Variants in RCAN1 observed in about 807,000 individuals in gnomAD.
RCAN1 encodes the protein calcipressin-1.
Under a neutral mutation model 22.9 loss-of-function variants are expected in RCAN1, and 11 were observed. That is an observed-to-expected ratio of 0.48 (90% CI 0.30 to 0.79). RCAN1 has a LOEUF of 0.79. Ranked by LOEUF, RCAN1 falls within the 30% of genes least tolerant of loss-of-function variation. The pLI is 0.06. For missense variants in RCAN1, 291 were observed against 337.8 expected (o/e 0.86, Z 1.09); for synonymous variants, 136 against 142.3 (o/e 0.96, Z 0.32).
intron 1 of RCAN1, among the ~76,000 whole-genome samples, chr21:34,611,642 A>G (rs1291139024): frequency 6.6e-6 from 1 of 152,324 alleles, no homozygotes; most frequent in East Asian, 1.9e-4. Flanking sequence ...CCAGACCCCC[A>G]GGGACTTTTG....
At chr21:34,561,811 G>A (rs892248504) in intron 1 of RCAN1, among the ~76,000 whole-genome samples, 3 of 152,174 alleles carry the variant, frequency 2.0e-5, no homozygotes, top group Admixed American at 6.6e-5. Flanking sequence ...ATATTGGCCC[G>A]ACGTTCAGGG....
At chr21:34,527,957 C>T (rs766712056) in intron 1 of RCAN1, among the ~76,000 whole-genome samples, 23 of 151,968 alleles carry the variant, frequency 1.5e-4, no homozygotes, top group Admixed American at 1.4e-3. Context: ...AAGTGCTCTG[C>T]GATGCAAGAC....
At chr21:34,540,222 C>T (rs563092889) in intron 1 of RCAN1, among the ~76,000 whole-genome samples, 8 of 152,274 alleles carry the variant, frequency 5.3e-5, no homozygotes, top group African/African-American at 1.9e-4. Flanking sequence ...TGTATTTAAT[C>T]AGCAAATTCT....
chr21:34,566,308 T>C (rs13050712), intron 1 of RCAN1, among the ~76,000 whole-genome samples: 142,036 of 152,270 alleles, frequency 0.93, 66,372 homozygotes, highest in African/African-American at 0.98. Context: ...CTAGGGTCTG[T>C]GGCAGGTTAC....
chr21:34,565,891 C>T (rs1046495855), intron 1 of RCAN1, among the ~76,000 whole-genome samples: 4 of 152,148 alleles, frequency 2.6e-5, no homozygotes, highest in Admixed American at 6.5e-5. Context: ...TCTGCAAGGG[C>T]GGAGCTCACA....
At chr21:34,526,474 T>C (rs1985060370) in intron 1 of RCAN1, among the ~76,000 whole-genome samples, 1 of 152,184 alleles carries the variant, frequency 6.6e-6, no homozygotes, top group Non-Finnish European at 1.5e-5. Context: ...TTGAGATCTT[T>C]AGAAATTCCT....
At position 34,589,464 on chromosome 21, in the gene RCAN1, T is replaced by C. The variant is rs954179519; in HGVS notation, c.252+25296A>G. Among the ~76,000 whole-genome samples, 14 of 152,188 alleles carry C rather than the reference T, an allele frequency of 9.2e-5. 1 individual carries two copies. The highest frequency in any genetic ancestry group is 7.9e-4 in the Admixed American group (12 of 15,286). On this transcript the variant is annotated intron_variant, in intron 1 of 3. Coordinates refer to ENST00000313806, the MANE Select transcript of RCAN1 (RefSeq NM_004414.7). ...ATGCTAATTTTCCTGGAAAAGGACA[T>C]GATCGTTGAAAAAATAAGAGAAGAT...
intron 1 of RCAN1, among the ~76,000 whole-genome samples, chr21:34,566,153 G>C (rs1298467683): frequency 1.3e-5 from 2 of 152,190 alleles, no homozygotes; most frequent in African/African-American, 2.4e-5. Flanking sequence ...CTGCGAGTAG[G>C]TAGAGGCCGG....
chr21:34,613,824 G>T, intron 1 of RCAN1: 1 of 1,486,672 alleles, frequency 6.7e-7, no homozygotes, highest in African/African-American at 1.4e-5. Flanking sequence ...TGTATTGGCA[G>T]CAGCCTTCAA....
intron 1 of RCAN1, among the ~76,000 whole-genome samples, chr21:34,581,209 T>A (rs1041242183): frequency 2.0e-4 from 30 of 152,094 alleles, no homozygotes; most frequent in African/African-American, 6.3e-4. Flanking sequence ...AATGGAAAGA[T>A]CCCTATTCCA....
intron 1 of RCAN1, among the ~76,000 whole-genome samples, chr21:34,535,660 C>G (rs1985634066): frequency 6.6e-6 from 1 of 151,934 alleles, no homozygotes; most frequent in Admixed American, 6.6e-5. Context: ...TCTTTTGATA[C>G]TTTGCCTGAA....
At chr21:34,586,319 G>GA (rs1335846920) in intron 1 of RCAN1, among the ~76,000 whole-genome samples, 1 of 151,926 alleles carries the variant, frequency 6.6e-6, no homozygotes, top group Non-Finnish European at 1.5e-5. Flanking sequence ...AAGCAAGTCT[G>GA]AAAAAATGTC....
chr21:34,575,302 C>G (rs370601421), intron 1 of RCAN1, among the ~76,000 whole-genome samples: 82 of 152,304 alleles, frequency 5.4e-4, no homozygotes, highest in Middle Eastern at 3.4e-3. Flanking sequence ...TGCTCATTTG[C>G]TAGTAGCAGC....
intron 1 of RCAN1, among the ~76,000 whole-genome samples, chr21:34,563,174 C>T (rs1368076409): frequency 5.3e-5 from 8 of 152,160 alleles, no homozygotes; most frequent in African/African-American, 1.7e-4. Context: ...CTCACTTTAG[C>T]CACCAGAAAC....
intron 1 of RCAN1, among the ~76,000 whole-genome samples, chr21:34,603,815 T>C (rs1316193772): frequency 2.0e-5 from 3 of 152,216 alleles, no homozygotes; most frequent in Admixed American, 6.5e-5. Flanking sequence ...GCTAAGTAAA[T>C]AGGAGACCTA....
intron 1 of RCAN1, among the ~76,000 whole-genome samples, chr21:34,605,781 G>A (rs11910260): frequency 0.075 from 11,460 of 151,940 alleles, 1,095 homozygotes; most frequent in African/African-American, 0.22. Context: ...TTAGCCGGGC[G>A]TGGTGGCAGG....
chr21:34,609,809 T>A (rs1051646662), intron 1 of RCAN1, among the ~76,000 whole-genome samples: 5 of 152,106 alleles, frequency 3.3e-5, no homozygotes, highest in African/African-American at 1.2e-4. Context: ...TTAAAGCAGC[T>A]CTGGATGTGA....
chr21:34,561,047 G>A (rs546540628), intron 1 of RCAN1, among the ~76,000 whole-genome samples: 3 of 152,228 alleles, frequency 2.0e-5, no homozygotes, highest in Admixed American at 6.5e-5. Context: ...CAGGGGATCC[G>A]ATGATTTTAT....
At chr21:34,564,198 C>T (rs888349151) in intron 1 of RCAN1, among the ~76,000 whole-genome samples, 2 of 152,080 alleles carry the variant, frequency 1.3e-5, no homozygotes. Context: ...TGGGGGAAAC[C>T]GTCCCCACGA....
Sources: allele counts gnomAD v4.1 joint callset (sites outside exome capture counted in the v4.1 genomes callset), GRCh38; gene constraint gnomAD v4.1.1; transcripts MANE v1.5; gene names NCBI Gene and HGNC (gene_info 2026-07-23, HGNC 2026-07-21).